The following HOMER1 variants were observed in gnomAD, a reference collection of about 807,000 sequenced individuals.
The protein encoded by HOMER1 is homer protein homolog 1.
HOMER1 carries 3 observed loss-of-function variants against 48.9 expected under a neutral mutation model. The observed-to-expected ratio is 0.06, with a 90% CI of 0.03 to 0.16. The LOEUF (loss-of-function observed/expected upper bound fraction) is 0.16, where lower values mean the gene tolerates loss of function less well. HOMER1 is among the 10% of genes least tolerant of loss of function. HOMER1 has a pLI of 1.00. For missense variants in HOMER1, 247 were observed against 411.4 expected, an observed-to-expected ratio of 0.60 and a Z score of 3.46; for synonymous variants, 134 against 146.4, an observed-to-expected ratio of 0.92 and a Z score of 0.61.
At chr5:79,393,939 G>A (rs1041543460) in intron 8 of HOMER1, among the ~76,000 whole-genome samples, 1 of 151,988 alleles carries the variant, frequency 6.6e-6, no homozygotes, top group African/African-American at 2.4e-5. Flanking sequence ...CCAACACTGG[G>A]ACAAGGAAAT....
At chr5:79,380,834 C>G (rs1377314553) in intron 8 of HOMER1, among the ~76,000 whole-genome samples, 1 of 152,176 alleles carries the variant, frequency 6.6e-6, no homozygotes, top group Non-Finnish European at 1.5e-5. Flanking sequence ...CCACAGCTGG[C>G]ACCTACCTGC....
chr5:79,384,323 A>G (rs1461413505), intron 8 of HOMER1, among the ~76,000 whole-genome samples: 1 of 152,186 alleles, frequency 6.6e-6, no homozygotes, highest in African/African-American at 2.4e-5. Context: ...AAAAGGAAGC[A>G]TTACGACTCA....
intron 8 of HOMER1, among the ~76,000 whole-genome samples, chr5:79,393,507 G>A (rs1283887364): frequency 6.6e-6 from 1 of 152,174 alleles, no homozygotes; most frequent in Non-Finnish European, 1.5e-5. Flanking sequence ...ATTGTTCAAT[G>A]TTATTCATAA....
chr5:79,487,996 T>C (rs1752160623), intron 1 of HOMER1, among the ~76,000 whole-genome samples: 1 of 152,228 alleles, frequency 6.6e-6, no homozygotes, highest in Non-Finnish European at 1.5e-5. Flanking sequence ...GGGTTAATTA[T>C]ACAATCCTCC....
At chr5:79,509,898 T>C (rs1752890083) in intron 1 of HOMER1, among the ~76,000 whole-genome samples, 1 of 152,210 alleles carries the variant, frequency 6.6e-6, no homozygotes, top group Non-Finnish European at 1.5e-5. Context: ...AAGGTTGTAA[T>C]ATGTGAAACA....
chr5:79,428,152 AG>A (rs1750322096), intron 5 of HOMER1, among the ~76,000 whole-genome samples: 1 of 152,206 alleles, frequency 6.6e-6, no homozygotes, highest in Non-Finnish European at 1.5e-5. Context: ...AACATAAGAA[AG>A]CATATTGCTC....
intron 8 of HOMER1, among the ~76,000 whole-genome samples, chr5:79,376,754 C>T (rs553322528): frequency 1.1e-4 from 17 of 152,110 alleles, no homozygotes; most frequent in Middle Eastern, 3.4e-3. Context: ...CACTCAATTG[C>T]TAGAAACTGT....
intron 5 of HOMER1, among the ~76,000 whole-genome samples, chr5:79,416,201 T>C (rs1051473314): frequency 1.3e-5 from 2 of 152,350 alleles, no homozygotes; most frequent in Admixed American, 1.3e-4. Flanking sequence ...TGATTTATAT[T>C]GTATGCACTC....
At position 79,450,944 on chromosome 5, in the gene HOMER1, G is replaced by A. The variant is rs778157940; in HGVS notation, c.294+46C>T. 3.8e-6 allele frequency: 6 copies of A among 1,569,968 alleles called. No individual in the cohort carries two copies. In the Admixed American group the frequency reaches 5.1e-5, roughly 13 times the overall value. On this transcript the variant is annotated intron_variant, in intron 3 of 8. Coordinates refer to ENST00000334082, the MANE Select transcript of HOMER1 (RefSeq NM_004272.5). The stretch of plus-strand genomic sequence containing the variant: ...TTGGTATTATATATTTAAGATATAC[G>A]ACTTGAAGATGAAGATTTTCATTCA...
chr5:79,494,313 G>T lies in HOMER1; in HGVS notation c.5+18457C>A, dbSNP rs113591757. On this transcript the variant is annotated intron_variant, in intron 1 of 8. Transcript: ENST00000334082. ...TATCCAACTATAAAGCATTCCCACGGGGCTGACGACAAATATCTCAAGGTT... is the reference window on the plus strand; with the variant it reads ...TATCCAACTATAAAGCATTCCCACGTGGCTGACGACAAATATCTCAAGGTT... Among the ~76,000 whole-genome samples, 228 of 152,144 alleles carry T rather than the reference G, an allele frequency of 1.5e-3. 1 individual carries two copies. The highest frequency in any genetic ancestry group is 5.2e-3 in the African/African-American group (215 of 41,512).
intron 4 of HOMER1, among the ~76,000 whole-genome samples, chr5:79,439,429 G>A (rs948704665): frequency 1.3e-5 from 2 of 152,020 alleles, no homozygotes; most frequent in Admixed American, 6.6e-5. Context: ...AAACAGTTTC[G>A]AATAATTTAA....
intron 8 of HOMER1, among the ~76,000 whole-genome samples, chr5:79,379,448 T>C (rs1167441883): frequency 8.9e-6 from 1 of 112,328 alleles, no homozygotes; most frequent in Non-Finnish European, 1.7e-5. Flanking sequence ...TATATATTTA[T>C]ATAATATATA....
rs369463171 is a variant in HOMER1, at chr5:79,510,898, A to G, written c.5+1872T>C. ...GGCCCCTACAGAGGCTTCAGAGTAG[A>G]TATCTCTATCTGCCAACGTGAGGAC... On this transcript the variant is annotated intron_variant, in intron 1 of 8. Coordinates refer to ENST00000334082, the MANE Select transcript of HOMER1 (RefSeq NM_004272.5). The G allele has an allele frequency of 5.7e-4, 371 of 654,892 alleles. 3 individuals carry two copies. Among genetic ancestry groups the G allele is most frequent in the African/African-American group, 4.1e-3 (230 of 55,792 alleles). The allele number at this position is 654,892 out of a possible 1,614,324, so 40.6% of individuals were successfully genotyped here. A position where few individuals can be genotyped will look rare whatever the true frequency, so the allele number is the denominator to read the frequency against.
chr5:79,409,410 C>T (rs985935088), intron 5 of HOMER1, among the ~76,000 whole-genome samples: 6 of 139,842 alleles, frequency 4.3e-5, no homozygotes, highest in Admixed American at 2.3e-4. Flanking sequence ...CCAGCCTCGG[C>T]GACAGGGCAA....
Position 79,464,043 on chromosome 5 carries a change from ATTG to A in HOMER1, c.6-7028_6-7026del, listed in dbSNP as rs1299020620. On this transcript the variant is annotated intron_variant, in intron 1 of 8. Transcript: ENST00000334082. ...TACTTCGCTTTCTTATCCTTTAGGT[ATTG>A]TTTAATTTTTCTTAACCTTGTATAG... Among the ~76,000 whole-genome samples the A allele has an allele frequency of 2.6e-5, 4 of 152,164 alleles. No individual in the cohort carries two copies. In the East Asian group the frequency reaches 7.7e-4, roughly 29 times the overall value.
At chr5:79,478,931 G>A (rs1182911276) in intron 1 of HOMER1, among the ~76,000 whole-genome samples, 2 of 151,826 alleles carry the variant, frequency 1.3e-5, no homozygotes, top group Non-Finnish European at 2.9e-5. Flanking sequence ...CAGCCTGGGT[G>A]ACAAAGCGAG....
chr5:79,502,741 C>G (rs900040650), intron 1 of HOMER1, among the ~76,000 whole-genome samples: 5 of 152,178 alleles, frequency 3.3e-5, no homozygotes, highest in African/African-American at 1.2e-4. Context: ...AACCCTTGAA[C>G]AATTTGTGAG....
At chr5:79,489,201 G>GGA (rs527407483) in intron 1 of HOMER1, among the ~76,000 whole-genome samples, 2 of 152,098 alleles carry the variant, frequency 1.3e-5, no homozygotes, top group South Asian at 2.1e-4. Context: ...TGAGGATTCA[G>GGA]GAGAGAGAGA....
rs116216407 is a variant in HOMER1, at chr5:79,485,510, C to T, written c.5+27260G>A. Among the ~76,000 whole-genome samples the T allele has an allele frequency of 4.3e-3, 657 of 152,310 alleles. 2 individuals carry two copies. The highest frequency in any genetic ancestry group is 0.014 in the Middle Eastern group (4 of 294). ...ATTTTTTTCCACAAAGTTTGGAACA[C>T]GCTTTCCTTAGTGCGAATGTAATAC... is the stretch of plus-strand genomic sequence containing the variant. On this transcript the variant is annotated intron_variant, in intron 1 of 8. Transcript: ENST00000334082.
Sources: allele counts gnomAD v4.1 joint callset (sites outside exome capture counted in the v4.1 genomes callset), GRCh38; gene constraint gnomAD v4.1.1; transcripts MANE v1.5; gene names NCBI Gene and HGNC (gene_info 2026-07-23, HGNC 2026-07-21).